Variants in ADAMTSL3 observed in about 807,000 individuals in gnomAD.
The protein encoded by ADAMTSL3 is ADAMTS like 3.
ADAMTSL3 carries 128 observed loss-of-function variants against 201.7 expected under a neutral mutation model. That is an observed-to-expected ratio of 0.63 (90% CI 0.55 to 0.73). The LOEUF (loss-of-function observed/expected upper bound fraction) is 0.73, where lower values mean the gene tolerates loss of function less well. Ranked by LOEUF, ADAMTSL3 falls within the 30% of genes least tolerant of loss-of-function variation. ADAMTSL3 has a pLI of 0.00. For missense variants in ADAMTSL3, 1,990 were observed against 2,119.6 expected, an observed-to-expected ratio of 0.94 and a Z score of 1.20; for synonymous variants, 738 against 748.4, an observed-to-expected ratio of 0.99 and a Z score of 0.23.
At chr15:83,912,979 C>A (rs2065959015) in intron 15 of ADAMTSL3, 113 bp from the exon 16 acceptor site, 1 of 1,134,298 alleles carries the variant, frequency 8.8e-7, no homozygotes, top group Admixed American at 2.3e-5. Flanking sequence ...TGTGGAATTC[C>A]ACCGAGTGAA....
chr15:84,037,024 G>A (rs930341481), intron 29 of ADAMTSL3, 37 bp downstream of exon 29: 2 of 1,595,672 alleles, frequency 1.3e-6, no homozygotes, highest in South Asian at 1.1e-5. Flanking sequence ...CTGCCCCAGA[G>A]GCCTTGATGG....
At chr15:83,994,183 G>A (rs1392552003) in intron 23 of ADAMTSL3, among the ~76,000 whole-genome samples, 1 of 152,226 alleles carries the variant, frequency 6.6e-6, no homozygotes, top group African/African-American at 2.4e-5. Flanking sequence ...CTGGACAACT[G>A]CTTCTTAGAG....
At chr15:83,820,170 C>T (rs774377704) in intron 6 of ADAMTSL3, 123 bp downstream of exon 6, 13 of 779,370 alleles carry the variant, frequency 1.7e-5, no homozygotes, top group South Asian at 8.2e-5. Flanking sequence ...TGGCCAGGTA[C>T]GGTGGCTTAC....
intron 20 of ADAMTSL3, among the ~76,000 whole-genome samples, chr15:83,970,953 A>G (rs905462202): frequency 6.6e-6 from 1 of 152,238 alleles, no homozygotes; most frequent in African/African-American, 2.4e-5. Context: ...AGTTAAGCCA[A>G]AATACCTCCT....
intron 3 of ADAMTSL3, among the ~76,000 whole-genome samples, chr15:83,707,726 G>A (rs914283716): frequency 6.6e-6 from 1 of 152,134 alleles, no homozygotes; most frequent in African/African-American, 2.4e-5. Context: ...ACTCGTTTGT[G>A]TCTGGCTTCT....
intron 9 of ADAMTSL3, among the ~76,000 whole-genome samples, chr15:83,881,556 A>C (rs937237393): frequency 6.6e-6 from 1 of 152,202 alleles, no homozygotes; most frequent in Non-Finnish European, 1.5e-5. Flanking sequence ...ACTAAAATAC[A>C]CTAAAAATAT....
At chr15:84,017,081 C>G (rs765422821) in intron 25 of ADAMTSL3, among the ~76,000 whole-genome samples, 1 of 152,058 alleles carries the variant, frequency 6.6e-6, no homozygotes, top group East Asian at 1.9e-4. Context: ...GACACAAACT[C>G]TTTTTTTAAT....
chr15:83,722,523 A>T lies in ADAMTSL3; in HGVS notation c.189+18015A>T, dbSNP rs542546101. Among the ~76,000 whole-genome samples the T allele has an allele frequency of 9.6e-4, 146 of 152,324 alleles. 1 individual carries two copies. Among genetic ancestry groups the T allele is most frequent in the Non-Finnish European group, 1.5e-3 (102 of 68,014 alleles). ...AAACAGAAAAAATTATGATACAGAA[A>T]TTGTTATAGGCCTTATCCTCTGAGC... On this transcript the variant is annotated intron_variant, in intron 3 of 29. Transcript: ENST00000286744.
chr15:83,762,891 CTTT>C (rs11352885), intron 3 of ADAMTSL3, among the ~76,000 whole-genome samples: 2 of 143,462 alleles, frequency 1.4e-5, no homozygotes, highest in African/African-American at 2.6e-5. Flanking sequence ...TGATTTACTT[CTTT>C]TTTTTTTTTT....
chr15:83,682,053 TC>T (rs2061482867), intron 2 of ADAMTSL3, among the ~76,000 whole-genome samples: 1 of 152,234 alleles, frequency 6.6e-6, no homozygotes, highest in Non-Finnish European at 1.5e-5. Context: ...CTGTTTTTCT[TC>T]AGTTGTTTTG....
chr15:83,654,691 T>G lies in ADAMTSL3; in HGVS notation c.-34+415T>G, dbSNP rs1051264385. On this transcript the variant is annotated intron_variant, in intron 1 of 29. Transcript: ENST00000286744. This position sits in a 1 kb window ranked among gnomAD's most constrained non-coding sequence, Gnocchi z 5.3. ...TGAGGCGACGCGCGATCGTGGAAAGTGGGCGTGGGGGTGACCGGGACGCGG... is the reference window on the plus strand; with the variant it reads ...TGAGGCGACGCGCGATCGTGGAAAGGGGGCGTGGGGGTGACCGGGACGCGG... 4.6e-5 allele frequency among the ~76,000 whole-genome samples: 7 copies of G among 151,886 alleles called. No homozygotes were observed. Among genetic ancestry groups the G allele is most frequent in the Non-Finnish European group, 5.9e-5 (4 of 67,962 alleles).
intron 20 of ADAMTSL3, among the ~76,000 whole-genome samples, chr15:83,971,575 AAAG>A (rs1567273051): frequency 3.9e-5 from 4 of 102,156 alleles, no homozygotes; most frequent in Non-Finnish European, 4.9e-5. Context: ...AAAAAAAAAA[AAAG>A]AAAGAAAGAA....
At chr15:83,852,266 C>T (rs1403919903) in intron 7 of ADAMTSL3, among the ~76,000 whole-genome samples, 4 of 152,052 alleles carry the variant, frequency 2.6e-5, no homozygotes, top group Admixed American at 2.0e-4. Flanking sequence ...GTGCCAGCCA[C>T]CATGCCTGGA....
At chr15:83,992,555 T>C (rs12900471) in intron 23 of ADAMTSL3, among the ~76,000 whole-genome samples, 58,264 of 152,100 alleles carry the variant, frequency 0.38, 11,799 homozygotes, top group African/African-American at 0.52. Flanking sequence ...TACAGCCCTA[T>C]ACCTGCAGAG....
intron 3 of ADAMTSL3, among the ~76,000 whole-genome samples, chr15:83,732,564 T>G (rs2062297463): frequency 6.6e-6 from 1 of 152,172 alleles, no homozygotes; most frequent in African/African-American, 2.4e-5. Context: ...CCAGGGCTAT[T>G]GCTTTGACAT....
intron 4 of ADAMTSL3, among the ~76,000 whole-genome samples, chr15:83,778,394 G>A: frequency 6.6e-6 from 1 of 152,154 alleles, no homozygotes; most frequent in East Asian, 1.9e-4. Flanking sequence ...CACCTACAAA[G>A]GGAAGTCCAT....
At chr15:83,838,904 A>G (rs2064324539) in intron 7 of ADAMTSL3, among the ~76,000 whole-genome samples, 1 of 152,212 alleles carries the variant, frequency 6.6e-6, no homozygotes, top group South Asian at 2.1e-4. Context: ...TATAGTCTCA[A>G]CTACTCAACA....
At chr15:83,850,348 G>A (rs2064585177) in intron 7 of ADAMTSL3, among the ~76,000 whole-genome samples, 1 of 151,684 alleles carries the variant, frequency 6.6e-6, no homozygotes, top group Non-Finnish European at 1.5e-5. Context: ...GGGTTAATAT[G>A]ACCAGCGGGT....
At chr15:84,031,466 C>G in intron 28 of ADAMTSL3, 34 bp downstream of exon 28, 4 of 1,575,770 alleles carry the variant, frequency 2.5e-6, no homozygotes, top group Non-Finnish European at 3.5e-6. Flanking sequence ...CACACATTCT[C>G]TCCTGACTCA....
Sources: allele counts gnomAD v4.1 joint callset (sites outside exome capture counted in the v4.1 genomes callset), GRCh38; gene constraint gnomAD v4.1.1; non-coding constraint Gnocchi (gnomAD v3.1); transcripts MANE v1.5; gene names NCBI Gene and HGNC (gene_info 2026-07-23, HGNC 2026-07-21).